RFC1: variants seen among roughly 807,000 people sequenced by gnomAD.
The protein encoded by RFC1 is A1 140 kDa subunit.
RFC1 carries 37 observed loss-of-function variants against 137.4 expected under a neutral mutation model. The ratio of observed to expected loss-of-function variants is 0.27; its 90% CI spans 0.21 to 0.35. The LOEUF (loss-of-function observed/expected upper bound fraction) is 0.35. Ranked by LOEUF, RFC1 falls within the 10% of genes least tolerant of loss-of-function variation. RFC1 has a pLI of 1.00. For missense variants in RFC1, 1,205 were observed against 1,358.5 expected (o/e 0.89, Z 1.78); for synonymous variants, 429 against 455.7 (o/e 0.94, Z 0.75).
rs534020064 is a variant in RFC1 at position 39,311,103 on chromosome 4, T to A, written c.1488+342A>T. On this transcript the variant is annotated intron_variant, in intron 12 of 24. Transcript: ENST00000349703. The stretch of plus-strand genomic sequence containing the variant: ...TTGCAGTGATCCGAGATCACACCAC[T>A]GCACTCCGACCTGAGGGACAGAGCT... Among the ~76,000 whole-genome samples the A allele has an allele frequency of 2.6e-5, 4 of 152,278 alleles. No individual in the cohort carries two copies. The South Asian group carries it at 8.3e-4, about 32-fold the overall frequency.
chr4:39,352,318 A>C (rs1186664834), intron 1 of RFC1, among the ~76,000 whole-genome samples: 2 of 152,208 alleles, frequency 1.3e-5, no homozygotes, highest in Non-Finnish European at 2.9e-5. Context: ...AAGAAAAAAA[A>C]CCTTTGATGC....
intron 21 of RFC1, 69 bp from the exon 22 acceptor site, chr4:39,295,828 C>T (rs1737958479): frequency 1.4e-6 from 2 of 1,444,090 alleles, no homozygotes; most frequent in South Asian, 1.3e-5. Context: ...TAGTCATTGG[C>T]TTCCAAACAG....
intron 4 of RFC1, among the ~76,000 whole-genome samples, chr4:39,329,456 G>A (rs1180952492): frequency 2.0e-5 from 3 of 152,026 alleles, no homozygotes; most frequent in East Asian, 1.9e-4. Flanking sequence ...CGGGCGTAGC[G>A]GTGCGCGCCT....
intron 21 of RFC1, among the ~76,000 whole-genome samples, chr4:39,296,938 T>G (rs1389306881): frequency 6.6e-6 from 1 of 151,666 alleles, no homozygotes; most frequent in African/African-American, 2.4e-5. Context: ...TTTTAATGAT[T>G]GCCATTCTAA....
Position 39,302,583 on chromosome 4 carries a change from A to C in RFC1, c.2353T>G (p.Ser785Ala). ...RVEQIKGAMM[S>A]IAFKEGLKIP... Reference sequence around the variant, plus strand: ...TTTAAACCTTCTTTAAATGCAATAGACATCATAGCACCCTGAAATTGACAA... The same window carrying C: ...TTTAAACCTTCTTTAAATGCAATAGCCATCATAGCACCCTGAAATTGACAA... The change falls in exon 18 of 25, where the codon TCT (serine) becomes GCT (alanine). Residue 785 changes from serine (S) to alanine (A), a missense_variant. By Grantham distance (99) the Ser-to-Ala change is moderately conservative. This residue lies in a region of RFC1 where 962 missense variants were observed against 1,035.3 expected (regional missense o/e 0.93). Transcript: ENST00000349703. 1 of 1,601,108 alleles carries C rather than the reference A, an allele frequency of 6.2e-7. No homozygotes were observed. The highest frequency in any genetic ancestry group is 8.5e-7 in the Non-Finnish European group (1 of 1,172,924).
chr4:39,314,382 C>A (rs1431114007), intron 10 of RFC1, among the ~76,000 whole-genome samples: 3 of 152,172 alleles, frequency 2.0e-5, no homozygotes, highest in Non-Finnish European at 4.4e-5. Context: ...CAAATTATCA[C>A]CCACTATGGC....
intron 2 of RFC1, among the ~76,000 whole-genome samples, chr4:39,350,449 C>A (rs772715138): frequency 6.6e-6 from 1 of 152,062 alleles, no homozygotes; most frequent in Non-Finnish European, 1.5e-5. Flanking sequence ...AAGCCATAGT[C>A]AAACTGCTGA....
rs749546912 is a variant in RFC1 at position 39,312,806 on chromosome 4, C to G, written c.1329G>C (p.Lys443Asn). Residue 443 changes from lysine to asparagine, a missense_variant, in exon 11 of 25, where the codon AAG (lysine) becomes AAC (asparagine). Physicochemically the swap from Lys to Asn is moderately conservative, Grantham distance 94 (BLOSUM62 0). Around this residue, in one of 3 missense-constraint regions of RFC1, gnomAD observed 962 missense variants for 1,035.3 expected, o/e 0.93. Coordinates refer to ENST00000349703, the MANE Select transcript of RFC1 (RefSeq NM_002913.5). ...GACCCATGACAAGATAATTTGTTTTCTTGCTGACATTTCCTGTTACTTTTC... is the reference window on the plus strand; with the variant it reads ...GACCCATGACAAGATAATTTGTTTTGTTGCTGACATTTCCTGTTACTTTTC... ...YGGKVTGNVS[K>N]KTNYLVMGRD... The G allele has an allele frequency of 6.2e-7, 1 of 1,614,100 alleles. No individual in the cohort carries two copies. The highest frequency in any genetic ancestry group is 8.5e-7 in the Non-Finnish European group (1 of 1,179,988).
At chr4:39,326,328 A>G (rs1739764401) in intron 6 of RFC1, among the ~76,000 whole-genome samples, 1 of 152,234 alleles carries the variant, frequency 6.6e-6, no homozygotes, top group African/African-American at 2.4e-5. Context: ...GCTGCTAGCC[A>G]TTTCTTCAAA....
chr4:39,330,428 A>G (rs1267157821), intron 4 of RFC1, among the ~76,000 whole-genome samples: 1 of 152,206 alleles, frequency 6.6e-6, no homozygotes, highest in Non-Finnish European at 1.5e-5. Context: ...TGAGGATGCC[A>G]GTGCCCTTCA....
At chr4:39,318,466 A>G (rs530142815) in intron 9 of RFC1, among the ~76,000 whole-genome samples, 1 of 152,366 alleles carries the variant, frequency 6.6e-6, no homozygotes, top group African/African-American at 2.4e-5. Flanking sequence ...CGTATACAAT[A>G]ACTTTGAAGG....
chr4:39,347,222 A>T (rs781778863), intron 2 of RFC1, among the ~76,000 whole-genome samples: 1 of 152,244 alleles, frequency 6.6e-6, no homozygotes, highest in African/African-American at 2.4e-5. Context: ...GAATGAGCTT[A>T]ATATTTAAAT....
rs754078177 is a variant in RFC1 at position 39,302,484 on chromosome 4, T to C, written c.2436+16A>G. 2.6e-6 allele frequency: 4 copies of C among 1,534,788 alleles called. 1 individual carries two copies. The highest frequency in any genetic ancestry group is 3.6e-6 in the Non-Finnish European group (4 of 1,108,764). On this transcript the variant is annotated intron_variant, in intron 18 of 24. Transcript: ENST00000349703. ...AAAATAATCAACAACTGTTACATGA[T>C]ATATATTTAATTTACCTGTCTGATA...
chr4:39,366,286 G>C lies in RFC1; in HGVS notation c.-45C>G. The C allele has an allele frequency of 7.3e-6, 11 of 1,516,270 alleles. No homozygotes were observed. The highest frequency in any genetic ancestry group is 9.7e-6 in the Non-Finnish European group (11 of 1,131,288). The allele number at this position is 1,516,270 out of a possible 1,614,324, so 93.9% of individuals were successfully genotyped here. A position where few individuals can be genotyped will look rare whatever the true frequency, so the allele number is the denominator to read the frequency against. On this transcript the variant is annotated 5_prime_UTR_variant, in exon 1 of 25. Transcript: ENST00000349703. ...CGCTGGCTGGCTGGCGGGTGGGCCG[G>C]TTGAGGAATCTGTTATCGAGGCTCA...
chr4:39,317,598 C>T (rs1356050721), intron 9 of RFC1, among the ~76,000 whole-genome samples: 1 of 152,126 alleles, frequency 6.6e-6, no homozygotes, highest in Non-Finnish European at 1.5e-5. Flanking sequence ...CTACTTCTCT[C>T]GGGGAATTTA....
In RFC1 at chr4:39,320,658, G is replaced by T; in HGVS notation, c.820C>A (p.Gln274Lys). 12 of 1,576,564 alleles carry T rather than the reference G, an allele frequency of 7.6e-6. No individual in the cohort carries two copies. Among genetic ancestry groups the T allele is most frequent in the South Asian group, 7.1e-5 (6 of 84,358 alleles). ...TAGCTCTTTCTTTCATCTGAAACTTGTGCTGTTTTTACTAGGAAGAAAGAA... is the reference window on the plus strand; with the variant it reads ...TAGCTCTTTCTTTCATCTGAAACTTTTGCTGTTTTTACTAGGAAGAAAGAA... ...HKYPHKVKTAQVSDERKSYSP... is the reference protein window; with the variant it reads ...HKYPHKVKTAKVSDERKSYSP... The change falls in exon 9 of 25, where the codon CAA (glutamine) becomes AAA (lysine). Residue 274 changes from glutamine to lysine, a missense_variant. Physicochemically the swap from Gln to Lys is moderately conservative, Grantham distance 53. Around this residue, in one of 3 missense-constraint regions of RFC1, gnomAD observed 962 missense variants for 1,035.3 expected, o/e 0.93. Transcript: ENST00000349703.
At chr4:39,291,587 TACA>T in intron 23 of RFC1, 49 bp downstream of exon 23, 1 of 1,302,620 alleles carries the variant, frequency 7.7e-7, no homozygotes, top group Non-Finnish European at 1.1e-6. Context: ...GTATTGTCAG[TACA>T]AACCTGGTAA....
chr4:39,298,328 AAAAAAT>A (rs1267445530), intron 21 of RFC1, among the ~76,000 whole-genome samples: 1 of 126,018 alleles, frequency 7.9e-6, no homozygotes, highest in Non-Finnish European at 1.7e-5. Context: ...AAAAAAAAAA[AAAAAAT>A]TCTGTATCTC....
intron 13 of RFC1, 89 bp downstream of exon 13, chr4:39,308,547 T>C: frequency 2.7e-6 from 4 of 1,493,672 alleles, no homozygotes; most frequent in Non-Finnish European, 2.7e-6. Flanking sequence ...GACAGATGAA[T>C]GAATCGTTAG....
Sources: allele counts gnomAD v4.1 joint callset (sites outside exome capture counted in the v4.1 genomes callset), GRCh38; gene constraint gnomAD v4.1.1; regional missense constraint gnomAD v4.1.1; transcripts MANE v1.5; gene names NCBI Gene and HGNC (gene_info 2026-07-23, HGNC 2026-07-21).